VAV1: variants seen among roughly 807,000 people sequenced by gnomAD.
VAV1 encodes proto-oncogene vav.
In VAV1, 33 loss-of-function variants were observed where a neutral mutation model predicts 128.1. The observed-to-expected ratio is 0.26, with a 90% CI of 0.20 to 0.34. The LOEUF (loss-of-function observed/expected upper bound fraction) is 0.34. Among genes scored for constraint, VAV1 ranks in the 10% least tolerant of loss-of-function variants. VAV1 has a pLI of 1.00. For missense variants in VAV1, 715 were observed against 1,093.7 expected, an observed-to-expected ratio of 0.65 and a Z score of 4.88; for synonymous variants, 394 against 409.8, an observed-to-expected ratio of 0.96 and a Z score of 0.47.
chr19:6,805,487 A>T (rs1002656939), intron 1 of VAV1, among the ~76,000 whole-genome samples: 3 of 151,660 alleles, frequency 2.0e-5, no homozygotes, highest in Non-Finnish European at 4.4e-5. Context: ...CACATCTGTA[A>T]TCCCAGGACC....
chr19:6,804,025 C>G (rs1162351274), intron 1 of VAV1, among the ~76,000 whole-genome samples: 4 of 151,912 alleles, frequency 2.6e-5, no homozygotes, highest in Admixed American at 2.6e-4. Context: ...TCAGAAAAGG[C>G]AAAACTGTAG....
chr19:6,823,884 C>T (rs1269775152), intron 6 of VAV1, among the ~76,000 whole-genome samples: 1 of 152,058 alleles, frequency 6.6e-6, no homozygotes, highest in African/African-American at 2.4e-5. Context: ...TCATCACTGT[C>T]TAATTTTGGA....
At chr19:6,776,339 T>C (rs1970632464) in intron 1 of VAV1, among the ~76,000 whole-genome samples, 2 of 139,660 alleles carry the variant, frequency 1.4e-5, no homozygotes, top group African/African-American at 5.5e-5. Flanking sequence ...CATCCATTCA[T>C]CCATCCACTC....
chr19:6,796,584 TAA>T (rs1473390789), intron 1 of VAV1, among the ~76,000 whole-genome samples: 2 of 152,084 alleles, frequency 1.3e-5, no homozygotes, highest in East Asian at 3.9e-4. Context: ...CTTCTTGTAC[TAA>T]CCTCACTGGC....
chr19:6,831,277 T>C (rs1972047249), intron 14 of VAV1, among the ~76,000 whole-genome samples: 1 of 152,104 alleles, frequency 6.6e-6, no homozygotes, highest in Admixed American at 6.6e-5. Flanking sequence ...GCTTCAGTTT[T>C]TGCCCTGGAG....
At chr19:6,843,320 G>T (rs1323123357) in intron 22 of VAV1, among the ~76,000 whole-genome samples, 154 bp downstream of exon 22, 2 of 152,146 alleles carry the variant, frequency 1.3e-5, no homozygotes, top group Admixed American at 1.3e-4. Context: ...GGCTGCTGGG[G>T]ATGGGACAGA....
At chr19:6,832,990 T>A (rs1972122607) in intron 15 of VAV1, among the ~76,000 whole-genome samples, 194 bp from the exon 16 acceptor site, 1 of 152,312 alleles carries the variant, frequency 6.6e-6, no homozygotes, top group South Asian at 2.1e-4. Flanking sequence ...ACTCCTAGCC[T>A]GCTTTCTCTT....
chr19:6,822,528 A>C lies in VAV1; in HGVS notation c.654+14A>C. 1 of 1,543,338 alleles carries C rather than the reference A, an allele frequency of 6.5e-7. No homozygotes were observed. On this transcript the variant is annotated intron_variant, in intron 6 of 26. Transcript: ENST00000602142. This position sits in a 1 kb window ranked among gnomAD's most constrained non-coding sequence, Gnocchi z 5.9. ...TCCATCCAGCAGGTGGGCGCCTCCC[A>C]CCCAGCGCCTGCCGGGCGCATGCGC...
At chr19:6,795,211 G>A (rs1006779778) in intron 1 of VAV1, among the ~76,000 whole-genome samples, 11 of 152,140 alleles carry the variant, frequency 7.2e-5, no homozygotes, top group Admixed American at 3.3e-4. Context: ...CCTCCAATTG[G>A]CTGAACCTAT....
intron 1 of VAV1, among the ~76,000 whole-genome samples, chr19:6,786,532 T>G (rs1970897891): frequency 6.6e-6 from 1 of 152,082 alleles, no homozygotes; most frequent in African/African-American, 2.4e-5. Flanking sequence ...CCTGTAATCT[T>G]AAGACATTGG....
intron 8 of VAV1, among the ~76,000 whole-genome samples, chr19:6,825,916 C>A (rs181915349): frequency 6.6e-6 from 1 of 152,074 alleles, no homozygotes; most frequent in South Asian, 2.1e-4. Context: ...ATTAGCTGGG[C>A]GTGGTGGCAT....
rs1399297947 is a variant in VAV1, at chr19:6,840,299, C to CT, written c.1981-2833dup. Among the ~76,000 whole-genome samples the CT allele has an allele frequency of 8.1e-3, 1,035 of 127,766 alleles. 14 individuals are homozygous for CT. The highest frequency in any genetic ancestry group is 0.026 in the African/African-American group (985 of 37,470). The allele number at this position is 127,766 out of a possible 152,430, so 83.8% of individuals were successfully genotyped here. A position where few individuals can be genotyped will look rare whatever the true frequency, so the allele number is the denominator to read the frequency against. ...ATGTTGTGGAATGTGTCAGAATTTTCTTTCTTTTTTTTTTTTTTTTTGGTG... is the reference window on the plus strand; with the variant it reads ...ATGTTGTGGAATGTGTCAGAATTTTCTTTTCTTTTTTTTTTTTTTTTTGGTG... On this transcript the variant is annotated intron_variant, in intron 21 of 26. Coordinates refer to ENST00000602142, the MANE Select transcript of VAV1 (RefSeq NM_005428.4).
At chr19:6,846,607 A>G (rs1262328940) in intron 22 of VAV1, among the ~76,000 whole-genome samples, 1 of 149,288 alleles carries the variant, frequency 6.7e-6, no homozygotes, top group African/African-American at 2.4e-5. Context: ...TATAATTAGT[A>G]TGTATTATTT....
intron 1 of VAV1, among the ~76,000 whole-genome samples, chr19:6,805,581 G>GTACACAC (rs1971375251): frequency 8.8e-5 from 2 of 22,636 alleles, no homozygotes; most frequent in South Asian, 4.2e-3. Flanking sequence ...CATTTCTACA[G>GTACACAC]ATACACACAC....
At chr19:6,845,842 A>G (rs1003356061) in intron 22 of VAV1, among the ~76,000 whole-genome samples, 4 of 147,968 alleles carry the variant, frequency 2.7e-5, no homozygotes, top group African/African-American at 9.8e-5. Context: ...CATTTATATC[A>G]TCTTATCACA....
intron 1 of VAV1, among the ~76,000 whole-genome samples, chr19:6,781,110 C>T (rs1056892725): frequency 6.6e-6 from 1 of 152,008 alleles, no homozygotes; most frequent in Non-Finnish European, 1.5e-5. Context: ...ACCATGTTGC[C>T]CAGGCTGGTC....
chr19:6,804,819 G>A (rs1396884743), intron 1 of VAV1, among the ~76,000 whole-genome samples: 2 of 149,686 alleles, frequency 1.3e-5, no homozygotes, highest in South Asian at 2.1e-4. Flanking sequence ...TGCCTCCCAC[G>A]TTCACGCCAT....
intron 19 of VAV1, among the ~76,000 whole-genome samples, chr19:6,834,780 T>A (rs889346629): frequency 6.7e-6 from 1 of 149,386 alleles, no homozygotes; most frequent in African/African-American, 2.5e-5. Flanking sequence ...GAGGCAGGAG[T>A]GTTCCACTTA....
At chr19:6,819,580 G>T (rs1477910292) in intron 1 of VAV1, among the ~76,000 whole-genome samples, 1 of 152,192 alleles carries the variant, frequency 6.6e-6, no homozygotes, top group African/African-American at 2.4e-5. Context: ...CCATTGTGTG[G>T]ATTTGCCTGT....
Sources: allele counts gnomAD v4.1 joint callset (sites outside exome capture counted in the v4.1 genomes callset), GRCh38; gene constraint gnomAD v4.1.1; non-coding constraint Gnocchi (gnomAD v3.1); transcripts MANE v1.5; gene names NCBI Gene and HGNC (gene_info 2026-07-23, HGNC 2026-07-21).